RAG1: variants seen among roughly 807,000 people sequenced by gnomAD.
The protein encoded by RAG1 is recombination activating 1.
A neutral mutation model predicts 62.7 loss-of-function variants in RAG1; 35 were observed. The ratio of observed to expected loss-of-function variants is 0.56; its 90% CI spans 0.43 to 0.74. RAG1 has a LOEUF of 0.74. RAG1 is among the 30% of genes least tolerant of loss of function. The pLI, the probability that RAG1 is intolerant of heterozygous loss-of-function variation, is 0.00. For synonymous variants in RAG1, 461 were observed against 470.3 expected, an observed-to-expected ratio of 0.98 and a Z score of 0.26; for missense variants, 1,169 against 1,278.6, an observed-to-expected ratio of 0.91 and a Z score of 1.31.
intron 1 of RAG1, among the ~76,000 whole-genome samples, chr11:36,512,389 A>G (rs1014637896): frequency 6.6e-6 from 1 of 152,230 alleles, no homozygotes; most frequent in Non-Finnish European, 1.5e-5. Context: ...AGCAGGAAAC[A>G]AACGCCTGTT....
chr11:36,520,211 A>G (rs77326125), exon 2 of RAG1: 1 of 152,162 alleles, frequency 6.6e-6, no homozygotes. Flanking sequence ...ACCCAAGGAC[A>G]TTCAGCCAAG....
intron 2 of RAG1, among the ~76,000 whole-genome samples, chr11:36,530,771 A>G (rs1213121934): frequency 6.6e-6 from 1 of 151,912 alleles, no homozygotes; most frequent in African/African-American, 2.4e-5. Context: ...CTTCAAAAGA[A>G]TGTGTATTCT....
Position 36,578,126 on chromosome 11 carries a change from T to C in RAG1, c.*1690T>C, listed in dbSNP as rs1306240330. ...TTAGTTTTTTCTTCCTTTGATTTTATTGGCCATAATTGCTACTCTTCATAC... is the reference window on the plus strand; with the variant it reads ...TTAGTTTTTTCTTCCTTTGATTTTACTGGCCATAATTGCTACTCTTCATAC... On this transcript the variant is annotated 3_prime_UTR_variant, in exon 2 of 2. Coordinates refer to ENST00000299440, the MANE Select transcript of RAG1 (RefSeq NM_000448.3). 6.0e-6 allele frequency: 1 copy of C among 167,072 alleles called. No homozygotes were observed. Among genetic ancestry groups the C allele is most frequent in the Non-Finnish European group, 1.5e-5 (1 of 68,124 alleles). 10.3% of individuals were successfully genotyped at this position (167,072 alleles called of 1,614,324 possible).
At position 36,574,040 on chromosome 11, in the gene RAG1, G is replaced by T; in HGVS notation, c.736G>T (p.Ala246Ser). ...AACTGTGCTTGACCAAGCAAGACAA[G>T]CCCGTCAGCACAAGAGAAGAGCTCA... ...LKTVLDQARQARQHKRRAQAR... is the reference protein window; with the variant it reads ...LKTVLDQARQSRQHKRRAQAR... Residue 246 changes from alanine (A) to serine (S), a missense_variant, in exon 2 of 2, where the codon GCC becomes TCC. Coordinates refer to ENST00000299440, the MANE Select transcript of RAG1 (RefSeq NM_000448.3). 6.2e-7 allele frequency: 1 copy of T among 1,614,140 alleles called. No homozygotes were observed. Among genetic ancestry groups the T allele is most frequent in the Non-Finnish European group, 8.5e-7 (1 of 1,180,034 alleles).
chr11:36,564,154 A>G (rs776426460), upstream of RAG1, among the ~76,000 whole-genome samples: 3 of 152,218 alleles, frequency 2.0e-5, no homozygotes, highest in Admixed American at 6.5e-5. Flanking sequence ...CATGGTCCTC[A>G]TATCTTCTCT....
upstream of RAG1, among the ~76,000 whole-genome samples, chr11:36,564,560 A>G (rs1263653005): frequency 6.6e-6 from 1 of 152,192 alleles, no homozygotes; most frequent in East Asian, 1.9e-4. Flanking sequence ...ACACGGTGGC[A>G]CTAGCTGCTT....
At chr11:36,547,512 C>T (rs1203645452) in intron 3 of RAG1, among the ~76,000 whole-genome samples, 1 of 152,186 alleles carries the variant, frequency 6.6e-6, no homozygotes, top group South Asian at 2.1e-4. Context: ...TGCAAATAAA[C>T]TAGAAAATCT....
intron 3 of RAG1, among the ~76,000 whole-genome samples, chr11:36,562,411 C>G (rs2133281635): frequency 6.6e-6 from 1 of 152,274 alleles, no homozygotes; most frequent in East Asian, 1.9e-4. Context: ...TTATTATTCT[C>G]AACTTCAAAT....
At chr11:36,513,118 C>G (rs5030488) in intron 1 of RAG1, among the ~76,000 whole-genome samples, 11,564 of 152,248 alleles carry the variant, frequency 0.076, 578 homozygotes, top group Non-Finnish European at 0.11. Context: ...GTCTTTCTCT[C>G]CATCTCTTTC....
downstream of RAG1, among the ~76,000 whole-genome samples, chr11:36,536,280 A>G (rs1192552718): frequency 5.3e-5 from 8 of 152,242 alleles, no homozygotes; most frequent in South Asian, 1.0e-3. Context: ...ATATTATACA[A>G]TACAATATGG....
At chr11:36,569,021 A>G (rs982893944) in intron 1 of RAG1, among the ~76,000 whole-genome samples, 1 of 152,226 alleles carries the variant, frequency 6.6e-6, no homozygotes, top group Admixed American at 6.5e-5. Context: ...CACAGTTATT[A>G]CTTGGAAATT....
chr11:36,569,607 G>T (rs1006813674), intron 1 of RAG1, among the ~76,000 whole-genome samples: 1 of 152,178 alleles, frequency 6.6e-6, no homozygotes, highest in Non-Finnish European at 1.5e-5. Context: ...AGAAAATATG[G>T]AAAAGTGACT....
At chr11:36,512,536 T>C (rs1859940618) in intron 1 of RAG1, among the ~76,000 whole-genome samples, 2 of 152,236 alleles carry the variant, frequency 1.3e-5, no homozygotes, top group Admixed American at 1.3e-4. Flanking sequence ...CTGACTCTCA[T>C]TGAAATTGGG....
chr11:36,535,707 T>C (rs938322728), intron 2 of RAG1, among the ~76,000 whole-genome samples: 1 of 152,078 alleles, frequency 6.6e-6, no homozygotes, highest in Non-Finnish European at 1.5e-5. Flanking sequence ...ATAGAGCCAC[T>C]GTACTCCAGC....
chr11:36,571,710 G>C (rs1191979082), intron 1 of RAG1, among the ~76,000 whole-genome samples: 2 of 152,114 alleles, frequency 1.3e-5, no homozygotes. Context: ...TGCCTCCTGG[G>C]TTCAGGCAAT....
At chr11:36,548,965 G>A (rs1034123511) in intron 3 of RAG1, among the ~76,000 whole-genome samples, 2 of 152,028 alleles carry the variant, frequency 1.3e-5, no homozygotes, top group Non-Finnish European at 2.9e-5. Flanking sequence ...TAGAAATAAC[G>A]CCACAGATCT....
At chr11:36,538,882 T>G (rs1860372044), downstream of RAG1, among the ~76,000 whole-genome samples, 1 of 152,200 alleles carries the variant, frequency 6.6e-6, no homozygotes, top group Non-Finnish European at 1.5e-5. Context: ...AGCTGGAACC[T>G]GTCCATGGGG....
chr11:36,561,311 C>T (rs542467097), intron 3 of RAG1, among the ~76,000 whole-genome samples: 5 of 152,296 alleles, frequency 3.3e-5, no homozygotes, highest in Non-Finnish European at 7.4e-5. Context: ...CTTCCTTTTC[C>T]CTGGAATTCC....
Position 36,573,491 on chromosome 11 carries a change from C to T in RAG1, c.187C>T (p.Pro63Ser), listed in dbSNP as rs1850780083. 3 of 1,614,210 alleles carry T rather than the reference C, an allele frequency of 1.9e-6. No individual in the cohort carries two copies. Among genetic ancestry groups the T allele is most frequent in the Non-Finnish European group, 2.5e-6 (3 of 1,180,040 alleles). Reference sequence around the variant, plus strand: ...GGGGAAACCCTCTCTGGAGCAATCTCCAGCAGTCCTGGACAAGGCTGATGG... The same window carrying T: ...GGGGAAACCCTCTCTGGAGCAATCTTCAGCAGTCCTGGACAAGGCTGATGG... ...FEGKPSLEQSPAVLDKADGQK... is the reference protein window; with the variant it reads ...FEGKPSLEQSSAVLDKADGQK... Residue 63 changes from proline (P) to serine (S), a missense_variant, in exon 2 of 2, where the codon CCA becomes TCA. Physicochemically the swap from Pro to Ser is moderately conservative, Grantham distance 74. Transcript: ENST00000299440.
Sources: allele counts gnomAD v4.1 joint callset (sites outside exome capture counted in the v4.1 genomes callset), GRCh38; gene constraint gnomAD v4.1.1; transcripts MANE v1.5; gene names NCBI Gene and HGNC (gene_info 2026-07-23, HGNC 2026-07-21).